The following MLLT10 variants were observed in gnomAD, a reference collection of about 807,000 sequenced individuals.
MLLT10 encodes MLLT10 histone lysine methyltransferase DOT1L cofactor.
MLLT10 carries 30 observed loss-of-function variants against 129.1 expected under a neutral mutation model. That is an observed-to-expected ratio of 0.23 (90% CI 0.17 to 0.32). The LOEUF (loss-of-function observed/expected upper bound fraction) is 0.32, where lower values mean the gene tolerates loss of function less well. Among genes scored for constraint, MLLT10 ranks in the 10% least tolerant of loss-of-function variants. The pLI is 1.00. For synonymous variants in MLLT10, 490 were observed against 446.4 expected, an observed-to-expected ratio of 1.10 and a Z score of -1.23; for missense variants, 1,119 against 1,268.3, an observed-to-expected ratio of 0.88 and a Z score of 1.79.
At chr10:21,562,818 G>GTTTTTTTTT (rs1163404490) in intron 3 of MLLT10, among the ~76,000 whole-genome samples, 1,244 of 81,816 alleles carry the variant, frequency 0.015, 1 homozygote, top group East Asian at 0.026. Context: ...TGTTTTTTTT[G>GTTTTTTTTT]TTTTTTTTTT....
intron 8 of MLLT10, among the ~76,000 whole-genome samples, chr10:21,629,914 A>G (rs1271675512): frequency 6.6e-6 from 1 of 152,196 alleles, no homozygotes; most frequent in East Asian, 1.9e-4. Context: ...GTGAGCTATG[A>G]TCATGCCATT....
intron 5 of MLLT10, among the ~76,000 whole-genome samples, chr10:21,611,119 C>T (rs1263092072): frequency 6.7e-6 from 1 of 150,270 alleles, no homozygotes; most frequent in African/African-American, 2.4e-5. Flanking sequence ...GCCTCAGCCT[C>T]CTGAGTAGCT....
At chr10:21,652,855 G>A (rs1443946234) in intron 9 of MLLT10, among the ~76,000 whole-genome samples, 1 of 152,188 alleles carries the variant, frequency 6.6e-6, no homozygotes, top group East Asian at 1.9e-4. Flanking sequence ...GGTAAAAACA[G>A]AGGTAGTGAT....
At chr10:21,668,913 C>A in intron 9 of MLLT10, 1 of 1,225,198 alleles carries the variant, frequency 8.2e-7, no homozygotes, top group South Asian at 1.6e-5. Context: ...TTAAACTTCA[C>A]TAGGTCATGC....
intron 5 of MLLT10, among the ~76,000 whole-genome samples, chr10:21,601,201 C>G (rs2043497509): frequency 6.6e-6 from 1 of 152,194 alleles, no homozygotes; most frequent in African/African-American, 2.4e-5. Flanking sequence ...CTGCCTTGGC[C>G]TCCCAAAGTG....
intron 14 of MLLT10, among the ~76,000 whole-genome samples, chr10:21,716,894 C>T (rs2056602615): frequency 6.6e-6 from 1 of 152,022 alleles, no homozygotes; most frequent in South Asian, 2.1e-4. Flanking sequence ...ATCCAGAGGT[C>T]ATTTTTGCTT....
At chr10:21,605,874 T>C (rs749731587) in intron 5 of MLLT10, among the ~76,000 whole-genome samples, 7 of 152,328 alleles carry the variant, frequency 4.6e-5, no homozygotes, top group Non-Finnish European at 8.8e-5. Flanking sequence ...CTTAAGCATA[T>C]CTCATTTTAT....
At chr10:21,738,714 C>G (rs989080344) in intron 21 of MLLT10, among the ~76,000 whole-genome samples, 1 of 152,184 alleles carries the variant, frequency 6.6e-6, no homozygotes, top group Non-Finnish European at 1.5e-5. Flanking sequence ...CAGAGTTGAT[C>G]GCTTTTCCTC....
chr10:21,547,202 T>C (rs546033615), intron 3 of MLLT10, among the ~76,000 whole-genome samples: 1 of 152,208 alleles, frequency 6.6e-6, no homozygotes, highest in African/African-American at 2.4e-5. Flanking sequence ...AATTCTCTGC[T>C]GATTTGGAGG....
At chr10:21,558,280 C>G (rs1358941097) in intron 3 of MLLT10, among the ~76,000 whole-genome samples, 1 of 151,472 alleles carries the variant, frequency 6.6e-6, no homozygotes, top group Middle Eastern at 3.2e-3. Flanking sequence ...TGTTATAATA[C>G]TTGTCCTTTA....
intron 22 of MLLT10, among the ~76,000 whole-genome samples, chr10:21,740,839 C>T (rs1195336726): frequency 2.0e-5 from 3 of 152,196 alleles, no homozygotes; most frequent in Non-Finnish European, 2.9e-5. Flanking sequence ...AAGGCCGTTT[C>T]GATTAATTCT....
chr10:21,681,311 C>A (rs761285880), intron 11 of MLLT10, 21 bp from the exon 12 acceptor site: 2 of 1,611,500 alleles, frequency 1.2e-6, no homozygotes, highest in South Asian at 2.2e-5. Context: ...CACTGATTTC[C>A]TTTTTCCTTC....
chr10:21,594,452 A>G (rs1399035778), intron 4 of MLLT10, among the ~76,000 whole-genome samples: 1 of 146,432 alleles, frequency 6.8e-6, no homozygotes, highest in Non-Finnish European at 1.5e-5. Flanking sequence ...GGTCATTTGT[A>G]TTGTAAAAGA....
In MLLT10 at chr10:21,733,091, AGT is replaced by A; in HGVS notation, c.2407+8_2407+9del. 1 of 1,588,210 alleles carries A rather than the reference AGT, an allele frequency of 6.3e-7. No individual in the cohort carries two copies. Among genetic ancestry groups the A allele is most frequent in the Middle Eastern group, 1.7e-4 (1 of 5,950 alleles). ...CACACATTTTCAGCACAGACTGGTAAGTGTGAAAATATTTATTTTGTATCTAA... is the reference window on the plus strand; with the variant it reads ...CACACATTTTCAGCACAGACTGGTAAGTGAAAATATTTATTTTGTATCTAA... On this transcript the variant is annotated splice_donor_5th_base_variant and intron_variant, in intron 18 of 22. Coordinates refer to ENST00000307729, the MANE Select transcript of MLLT10 (RefSeq NM_001195626.3).
At chr10:21,711,069 C>A (rs1188336591) in intron 13 of MLLT10, among the ~76,000 whole-genome samples, 1 of 152,150 alleles carries the variant, frequency 6.6e-6, no homozygotes, top group Non-Finnish European at 1.5e-5. Context: ...ATTTATCCTG[C>A]TCTACTGCAT....
chr10:21,740,413 A>G (rs1189453088), intron 22 of MLLT10, among the ~76,000 whole-genome samples, 177 bp downstream of exon 22: 2 of 152,234 alleles, frequency 1.3e-5, no homozygotes, highest in Non-Finnish European at 2.9e-5. Flanking sequence ...CCCTAAGTAT[A>G]TCAGTTTGAA....
chr10:21,572,233 A>G (rs2040278257), intron 3 of MLLT10, among the ~76,000 whole-genome samples: 1 of 152,188 alleles, frequency 6.6e-6, no homozygotes, highest in African/African-American at 2.4e-5. Context: ...TCTTTCAGAA[A>G]TCTTTATTCT....
At chr10:21,559,331 G>A (rs1032389119) in intron 3 of MLLT10, among the ~76,000 whole-genome samples, 4 of 152,124 alleles carry the variant, frequency 2.6e-5, no homozygotes, top group Non-Finnish European at 5.9e-5. Flanking sequence ...ATCCGCCTTG[G>A]CCTCACAAAG....
At chr10:21,626,546 A>T (rs930806232) in intron 8 of MLLT10, among the ~76,000 whole-genome samples, 4 of 152,150 alleles carry the variant, frequency 2.6e-5, no homozygotes, top group African/African-American at 9.7e-5. Flanking sequence ...TAGTCCCGTA[A>T]CCCAAACGCC....
Sources: allele counts gnomAD v4.1 joint callset (sites outside exome capture counted in the v4.1 genomes callset), GRCh38; gene constraint gnomAD v4.1.1; transcripts MANE v1.5; gene names NCBI Gene and HGNC (gene_info 2026-07-23, HGNC 2026-07-21).